Variants in ITCH observed in about 807,000 individuals in gnomAD.
ITCH encodes E3 ubiquitin-protein ligase Itchy homolog.
In ITCH, 28 loss-of-function variants were observed where a neutral mutation model predicts 126.8. The observed-to-expected ratio is 0.22, with a 90% CI of 0.16 to 0.30. The LOEUF (loss-of-function observed/expected upper bound fraction) is 0.30. ITCH is among the 10% of genes least tolerant of loss of function. The pLI is 1.00. For missense variants in ITCH, 631 were observed against 1,032.4 expected, an observed-to-expected ratio of 0.61 and a Z score of 5.33; for synonymous variants, 342 against 340.0, an observed-to-expected ratio of 1.01 and a Z score of -0.06.
At chr20:34,470,280 A>G (rs1470215206) in intron 15 of ITCH, among the ~76,000 whole-genome samples, 160 bp downstream of exon 15, 1 of 152,136 alleles carries the variant, frequency 6.6e-6, no homozygotes, top group African/African-American at 2.4e-5. Flanking sequence ...AGATTTATCA[A>G]TTAGATCATT....
chr20:34,497,333 A>T (rs1296368107), intron 23 of ITCH, among the ~76,000 whole-genome samples: 2 of 151,764 alleles, frequency 1.3e-5, no homozygotes, highest in African/African-American at 4.8e-5. Flanking sequence ...AATCAGTTGG[A>T]TGTAAATATG....
At chr20:34,416,757 T>G (rs548657139) in intron 6 of ITCH, among the ~76,000 whole-genome samples, 28 of 152,306 alleles carry the variant, frequency 1.8e-4, no homozygotes, top group African/African-American at 6.7e-4. Flanking sequence ...TGGCTTTATA[T>G]TCCCCTACTT....
chr20:34,429,619 C>T (rs1309162235), intron 7 of ITCH, among the ~76,000 whole-genome samples: 1 of 152,138 alleles, frequency 6.6e-6, no homozygotes, highest in African/African-American at 2.4e-5. Flanking sequence ...ATAGTAAAAA[C>T]AGACTTCTTA....
At chr20:34,472,455 A>G (rs1295085010) in intron 16 of ITCH, among the ~76,000 whole-genome samples, 2 of 152,072 alleles carry the variant, frequency 1.3e-5, no homozygotes, top group African/African-American at 4.8e-5. Flanking sequence ...ACCTACTGCA[A>G]CTAAATGTTA....
At chr20:34,369,642 A>C in intron 2 of ITCH, 172 bp downstream of exon 2, 1 of 390,240 alleles carries the variant, frequency 2.6e-6, no homozygotes, top group East Asian at 3.6e-5. Flanking sequence ...TGCAGGGATT[A>C]GCCTGTGAGC....
intron 22 of ITCH, 91 bp downstream of exon 22, chr20:34,490,017 G>A (rs1217740139): frequency 1.2e-6 from 1 of 856,018 alleles, no homozygotes; most frequent in African/African-American, 1.7e-5. Context: ...AGGTCAAAAT[G>A]TACCAGTGTA....
Position 34,463,977 on chromosome 20 carries a change from T to C in ITCH, c.1424+1756T>C, listed in dbSNP as rs182122258. Among the ~76,000 whole-genome samples, 14 of 152,164 alleles carry C rather than the reference T, an allele frequency of 9.2e-5. No homozygotes were observed. The East Asian group carries it at 2.5e-3, about 27-fold the overall frequency. On this transcript the variant is annotated intron_variant, in intron 14 of 24. Transcript: ENST00000374864. ...TGATGTCTGATTTGTCAATTTTTTC[T>C]TTTCTTTTCTTTTTTGAGACAGTCT...
chr20:34,402,406 G>T lies in ITCH; in HGVS notation c.71-6245G>T. 1.4e-5 allele frequency: 11 copies of T among 777,700 alleles called. 1 individual carries two copies. The highest frequency in any genetic ancestry group is 1.1e-4 in the South Asian group (8 of 74,590). The allele number at this position is 777,700 out of a possible 1,614,324, so 48.2% of individuals were successfully genotyped here. On this transcript the variant is annotated intron_variant, in intron 3 of 24. Transcript: ENST00000374864. ...CCCAACAAGCAACAAAGGAGTCTTTGGACAGTGGCACCCACTTTTCTTTCA... is the reference window on the plus strand; with the variant it reads ...CCCAACAAGCAACAAAGGAGTCTTTTGACAGTGGCACCCACTTTTCTTTCA...
At chr20:34,414,450 T>C (rs1326485970) in intron 6 of ITCH, among the ~76,000 whole-genome samples, 1 of 147,646 alleles carries the variant, frequency 6.8e-6, no homozygotes. Flanking sequence ...AAATATGACT[T>C]TAAATCCTTT....
Position 34,473,893 on chromosome 20 carries a change from A to G in ITCH, c.1569+2378A>G, listed in dbSNP as rs1434832290. 2.6e-5 allele frequency among the ~76,000 whole-genome samples: 4 copies of G among 151,902 alleles called. No homozygotes were observed. In the East Asian group the frequency reaches 5.9e-4, roughly 22 times the overall value. On this transcript the variant is annotated intron_variant, in intron 16 of 24. Coordinates refer to ENST00000374864, the MANE Select transcript of ITCH (RefSeq NM_031483.7). ...AGTCTGAACATAATAGCTTATAGTA[A>G]TAAGACACAGGTTCTAGTACAGATT...
Position 34,449,602 on chromosome 20 carries a change from A to T in ITCH, c.1210+122A>T, listed in dbSNP as rs183107973. The T allele has an allele frequency of 3.3e-4, 233 of 713,286 alleles. 1 individual carries two copies. In the East Asian group the frequency reaches 4.0e-3, roughly 12 times the overall value. 44.2% of individuals were successfully genotyped at this position (713,286 alleles called of 1,614,324 possible). On this transcript the variant is annotated intron_variant, in intron 12 of 24. Coordinates refer to ENST00000374864, the MANE Select transcript of ITCH (RefSeq NM_031483.7). ...GCTCTTGCTTGAGTGAATGTCTGGG[A>T]AGTTTTTTTTTAATATATATATCAG...
intron 6 of ITCH, among the ~76,000 whole-genome samples, chr20:34,418,664 A>G (rs1043428730): frequency 6.6e-6 from 1 of 151,632 alleles, no homozygotes; most frequent in Non-Finnish European, 1.5e-5. Context: ...TTTGACTTAC[A>G]TTTGAACATA....
chr20:34,420,891 G>T (rs897836117), intron 6 of ITCH, among the ~76,000 whole-genome samples: 1 of 152,274 alleles, frequency 6.6e-6, no homozygotes, highest in South Asian at 2.1e-4. Context: ...CTAGTTGCTA[G>T]GGTGTACCAC....
chr20:34,493,255 A>C (rs1989640969), intron 23 of ITCH, among the ~76,000 whole-genome samples: 1 of 152,216 alleles, frequency 6.6e-6, no homozygotes, highest in South Asian at 2.1e-4. Context: ...AGTCAAAATT[A>C]GAACTAAGCA....
At chr20:34,449,867 C>T (rs1323829116) in intron 12 of ITCH, among the ~76,000 whole-genome samples, 1 of 152,060 alleles carries the variant, frequency 6.6e-6, no homozygotes, top group Non-Finnish European at 1.5e-5. Context: ...ATATAACATT[C>T]TCAAAATGAC....
chr20:34,506,803 A>G (rs1047257191), intron 24 of ITCH, among the ~76,000 whole-genome samples: 4 of 152,200 alleles, frequency 2.6e-5, no homozygotes, highest in Non-Finnish European at 5.9e-5. Flanking sequence ...AGTACTTCGT[A>G]AGTGTAGAAT....
intron 12 of ITCH, 33 bp downstream of exon 12, chr20:34,449,513 T>A: frequency 7.3e-7 from 1 of 1,373,576 alleles, no homozygotes; most frequent in Non-Finnish European, 1.0e-6. Flanking sequence ...TGGAGTTCTG[T>A]CATTTCATTT....
At chr20:34,475,037 C>T (rs1390182445) in intron 16 of ITCH, among the ~76,000 whole-genome samples, 1 of 150,544 alleles carries the variant, frequency 6.6e-6, no homozygotes, top group Non-Finnish European at 1.5e-5. Flanking sequence ...GGCAGAGGCG[C>T]TCCCCACATC....
chr20:34,440,167 G>C lies in ITCH; in HGVS notation c.692G>C (p.Gly231Ala). Residue 231 changes from glycine to alanine, a missense_variant, in exon 9 of 25, where the codon GGT (glycine) becomes GCT (alanine). Gly to Ala is a moderately conservative substitution (Grantham distance 60). Transcript: ENST00000374864. ...AAATCTTTTATAGCATCTGTCAATG[G>C]TTCACCATCTGCCACTTCTGAAAGT... is the stretch of plus-strand genomic sequence containing the variant. ...PTPRRPASVN[G>A]SPSATSESDG... 1 of 1,611,842 alleles carries C rather than the reference G, an allele frequency of 6.2e-7. No homozygotes were observed. Among genetic ancestry groups the C allele is most frequent in the Non-Finnish European group, 8.5e-7 (1 of 1,178,014 alleles).
Sources: gnomAD v4.1 joint callset for allele counts (sites outside exome capture counted in the v4.1 genomes callset) on GRCh38, gnomAD v4.1.1 for gene constraint, MANE v1.5 for transcripts, NCBI Gene and HGNC (gene_info 2026-07-23, HGNC 2026-07-21) for gene names.